Variants in RNF141 observed in about 807,000 individuals in gnomAD.
The protein encoded by RNF141 is ring finger protein 141, also known as C3HC4-like zinc finger protein.
Under a neutral mutation model 27.4 loss-of-function variants are expected in RNF141, and 18 were observed. The ratio of observed to expected loss-of-function variants is 0.66; its 90% CI spans 0.45 to 0.97. RNF141 has a LOEUF of 0.97. RNF141 is among the 50% of genes least tolerant of loss of function. The probability of loss-of-function intolerance (pLI) is 0.00; values close to 1 mark genes in which losing one functional copy is unlikely to be tolerated. For synonymous variants in RNF141, 97 were observed against 96.6 expected, an observed-to-expected ratio of 1.00 and a Z score of -0.02; for missense variants, 230 against 279.4, an observed-to-expected ratio of 0.82 and a Z score of 1.26.
intron 3 of RNF141, 66 bp from the exon 4 acceptor site, chr11:10,525,439 G>C: frequency 8.0e-7 from 1 of 1,251,654 alleles, no homozygotes; most frequent in Non-Finnish European, 1.1e-6. Context: ...TCCCAAAAAG[G>C]GGGAACAAAT....
intron 2 of RNF141, chr11:10,532,070 G>A (rs1849991257): frequency 4.8e-6 from 2 of 414,984 alleles, no homozygotes; most frequent in Non-Finnish European, 4.7e-6. Context: ...GTTTGTGGAT[G>A]GTTTTATAGG....
At chr11:10,530,574 C>T (rs1849976705) in intron 3 of RNF141, 69 bp downstream of exon 3, 4 of 752,756 alleles carry the variant, frequency 5.3e-6, no homozygotes, top group Non-Finnish European at 8.7e-6. Context: ...TATTATCTTA[C>T]AGTATTAAAT....
At chr11:10,520,050 T>G (rs1849875585) in intron 4 of RNF141, among the ~76,000 whole-genome samples, 1 of 152,226 alleles carries the variant, frequency 6.6e-6, no homozygotes, top group African/African-American at 2.4e-5. Context: ...AAAGCAATCC[T>G]GGGCTGCATG....
At chr11:10,529,794 C>T (rs1849970048) in intron 3 of RNF141, among the ~76,000 whole-genome samples, 1 of 152,104 alleles carries the variant, frequency 6.6e-6, no homozygotes, top group Non-Finnish European at 1.5e-5. Flanking sequence ...TCATATATTC[C>T]TAATGCCTCT....
At chr11:10,523,493 C>G (rs1849906115) in intron 4 of RNF141, among the ~76,000 whole-genome samples, 1 of 152,138 alleles carries the variant, frequency 6.6e-6, no homozygotes, top group Non-Finnish European at 1.5e-5. Context: ...TGTAAGTAAT[C>G]AATAAATGTA....
In RNF141 at chr11:10,533,366, A is replaced by G. The variant is rs143413420; in HGVS notation, c.143+650T>C. ...GTTGTATTAGGTGTACTCTTTAAGAAGGCAGAGAAATTTATATTTCATTTT... is the reference window on the plus strand; with the variant it reads ...GTTGTATTAGGTGTACTCTTTAAGAGGGCAGAGAAATTTATATTTCATTTT... On this transcript the variant is annotated intron_variant, in intron 2 of 5. Transcript: ENST00000265981. 2.6e-4 allele frequency among the ~76,000 whole-genome samples: 39 copies of G among 152,282 alleles called. 1 individual carries two copies. The East Asian group carries it at 6.9e-3, about 27-fold the overall frequency.
intron 5 of RNF141, chr11:10,518,645 AT>A (rs1302577271): frequency 6.3e-6 from 1 of 159,886 alleles, no homozygotes; most frequent in Non-Finnish European, 1.4e-5. Flanking sequence ...TTGTAAAATA[AT>A]GAACTTGACT....
rs1326725155 is a variant in RNF141 at position 10,515,008 on chromosome 11, A to G, written c.601T>C (p.Ser201Pro). ...GTGGGTGCATCTGATACCACCCAAG[A>G]TTCATTTGCTCCAGTCATCTGTAGG... ...CRLQMTGANE[S>P]WVVSDAPTED... The change falls in exon 6 of 6, where the codon TCT becomes CCT. Residue 201 changes from serine to proline, a missense_variant. By Grantham distance (74) the Ser-to-Pro change is moderately conservative. Coordinates refer to ENST00000265981, the MANE Select transcript of RNF141 (RefSeq NM_016422.4). 1 of 1,613,902 alleles carries G rather than the reference A, an allele frequency of 6.2e-7. No individual in the cohort carries two copies. Among genetic ancestry groups the G allele is most frequent in the Admixed American group, 1.7e-5 (1 of 59,980 alleles).
rs1050670887 is a variant in RNF141, at chr11:10,512,251, C to A, written c.*2665G>T. The A allele has an allele frequency of 2.0e-5, 3 of 152,610 alleles. No individual in the cohort carries two copies. Among genetic ancestry groups the A allele is most frequent in the African/African-American group, 7.2e-5 (3 of 41,448 alleles). 9.5% of individuals were successfully genotyped at this position (152,610 alleles called of 1,614,324 possible). ...AAAAGTGTACATTTCATCCATTAAACAAATTTACAACTTTTACGATTAGTT... is the reference window on the plus strand; with the variant it reads ...AAAAGTGTACATTTCATCCATTAAAAAAATTTACAACTTTTACGATTAGTT... On this transcript the variant is annotated 3_prime_UTR_variant, in exon 6 of 6. Coordinates refer to ENST00000265981, the MANE Select transcript of RNF141 (RefSeq NM_016422.4).
intron 1 of RNF141, among the ~76,000 whole-genome samples, chr11:10,537,982 C>T (rs1850052692): frequency 6.6e-6 from 1 of 152,202 alleles, no homozygotes; most frequent in South Asian, 2.1e-4. Flanking sequence ...TTTCAATGTG[C>T]TTTTAACTCA....
intron 1 of RNF141, among the ~76,000 whole-genome samples, chr11:10,540,508 C>T (rs1850087584): frequency 6.6e-6 from 1 of 152,304 alleles, no homozygotes. Flanking sequence ...AGCAAGAAAA[C>T]GTTCTTTTCT....
chr11:10,538,412 T>C (rs1338647046), intron 1 of RNF141, among the ~76,000 whole-genome samples: 2 of 152,252 alleles, frequency 1.3e-5, no homozygotes, highest in African/African-American at 4.8e-5. Context: ...GTGATCTGCA[T>C]ACAATATAAA....
intron 4 of RNF141, among the ~76,000 whole-genome samples, chr11:10,521,922 GCAAAC>G (rs1211116600): frequency 1.3e-5 from 2 of 152,296 alleles, no homozygotes; most frequent in East Asian, 3.9e-4. Context: ...GTCCTGACAA[GCAAAC>G]TACAATCAGT....
Position 10,519,114 on chromosome 11 carries a change from C to T in RNF141, c.462G>A (p.Glu154=), listed in dbSNP as rs139943988. The change falls in exon 5 of 6, where the codon GAG becomes GAA. Residue 154 remains glutamate (E), a synonymous_variant. Transcript: ENST00000265981. ...GRVKQLTDEE[E]CCICMDGRAD... ...CCCGCCCATCCATACAGATACAACA[C>T]TCCTCCTCATCGGTCAGCTGCTTCA... is the stretch of plus-strand genomic sequence containing the variant. The T allele has an allele frequency of 1.0e-4, 164 of 1,613,880 alleles. No homozygotes were observed. Among genetic ancestry groups the T allele is most frequent in the Non-Finnish European group, 4.7e-5 (55 of 1,179,938 alleles).
Position 10,514,313 on chromosome 11 carries a change from T to A in RNF141, c.*603A>T, listed in dbSNP as rs1849825833. ...TGGCAAAAACAAACAAACAAACCTTTAAGTACAGTAGTTCCAAAACACACT... is the reference window on the plus strand; with the variant it reads ...TGGCAAAAACAAACAAACAAACCTTAAAGTACAGTAGTTCCAAAACACACT... On this transcript the variant is annotated 3_prime_UTR_variant, in exon 6 of 6. Transcript: ENST00000265981. 6.6e-6 allele frequency: 1 copy of A among 152,376 alleles called. No individual in the cohort carries two copies. Among genetic ancestry groups the A allele is most frequent in the Non-Finnish European group, 1.5e-5 (1 of 68,022 alleles). 9.4% of individuals were successfully genotyped at this position (152,376 alleles called of 1,614,324 possible).
rs577546013 is a variant in RNF141, at chr11:10,518,791, G to C, written c.542+243C>G. 6 of 378,102 alleles carry C rather than the reference G, an allele frequency of 1.6e-5. No individual in the cohort carries two copies. The East Asian group carries it at 2.6e-4, about 17-fold the overall frequency. The allele number at this position is 378,102 out of a possible 1,614,324, so 23.4% of individuals were successfully genotyped here. A position where few individuals can be genotyped will look rare whatever the true frequency, so the allele number is the denominator to read the frequency against. On this transcript the variant is annotated intron_variant, in intron 5 of 5. Transcript: ENST00000265981. ...ATGTTTGATTTTAGACTTAAGTCAG[G>C]CACAAATTTTCATACAGCAAAAGAA...
chr11:10,531,701 G>A (rs1306098574), intron 2 of RNF141: 1 of 183,458 alleles, frequency 5.5e-6, no homozygotes, highest in South Asian at 9.6e-5. Context: ...AAATCAGTTC[G>A]AAGACATGCT....
Position 10,512,060 on chromosome 11 carries a change from A to C in RNF141, c.*2856T>G, listed in dbSNP as rs1320396965. 1.3e-5 allele frequency: 2 copies of C among 152,692 alleles called. No homozygotes were observed. The highest frequency in any genetic ancestry group is 2.4e-5 in the African/African-American group (1 of 41,474). 9.5% of individuals were successfully genotyped at this position (152,692 alleles called of 1,614,324 possible). On this transcript the variant is annotated 3_prime_UTR_variant, in exon 6 of 6. Coordinates refer to ENST00000265981, the MANE Select transcript of RNF141 (RefSeq NM_016422.4). Reference sequence around the variant, plus strand: ...ATTTTCTCAAACTAAGGTTCTATACATAATCGGAGTAAACCCTCTGTTACT... The same window carrying C: ...ATTTTCTCAAACTAAGGTTCTATACCTAATCGGAGTAAACCCTCTGTTACT...
chr11:10,524,787 T>C (rs1849917450), intron 4 of RNF141, among the ~76,000 whole-genome samples: 1 of 152,180 alleles, frequency 6.6e-6, no homozygotes, highest in Non-Finnish European at 1.5e-5. Context: ...ATATATAAAA[T>C]TTTAATGCTT....
Sources: gnomAD v4.1 joint callset for allele counts (sites outside exome capture counted in the v4.1 genomes callset) on GRCh38, gnomAD v4.1.1 for gene constraint, MANE v1.5 for transcripts, NCBI Gene and HGNC (gene_info 2026-07-23, HGNC 2026-07-21) for gene names.